The following TENM2 variants were observed in gnomAD, a reference collection of about 807,000 sequenced individuals.
TENM2 encodes teneurin-2.
In TENM2, 52 loss-of-function variants were observed where a neutral mutation model predicts 245.2. The ratio of observed to expected loss-of-function variants is 0.21; its 90% CI spans 0.17 to 0.27. The LOEUF is 0.27. Ranked by LOEUF, TENM2 falls within the 10% of genes least tolerant of loss-of-function variation. The pLI is 1.00. For missense variants in TENM2, 3,046 were observed against 3,666.8 expected (o/e 0.83, Z 4.37); for synonymous variants, 1,363 against 1,438.9 (o/e 0.95, Z 1.19).
chr5:168,024,272 A>G (rs1786415671), intron 5 of TENM2, among the ~76,000 whole-genome samples: 1 of 152,118 alleles, frequency 6.6e-6, no homozygotes, highest in Non-Finnish European at 1.5e-5. Context: ...ACAGTACCAT[A>G]CCTAAAGAGG....
At chr5:167,209,420 T>C in the TENM2 span, among the ~76,000 whole-genome samples, 1 of 151,972 alleles carries the variant, frequency 6.6e-6, no homozygotes, top group East Asian at 1.9e-4. Context: ...CCTGCCACCA[T>C]GCTCAGCTAA....
the TENM2 span, among the ~76,000 whole-genome samples, chr5:167,087,872 C>T: frequency 6.6e-6 from 1 of 151,914 alleles, no homozygotes; most frequent in Non-Finnish European, 1.5e-5. Context: ...TCACTGCAAC[C>T]TCTGCCTCGT....
chr5:167,531,841 G>C (rs1164663139), intron 2 of TENM2, among the ~76,000 whole-genome samples: 1 of 152,120 alleles, frequency 6.6e-6, no homozygotes, highest in Non-Finnish European at 1.5e-5. Flanking sequence ...CCTGCAATGG[G>C]CGTTAGGACT....
chr5:167,388,396 CTCTT>C (rs1198674898), intron 2 of TENM2, among the ~76,000 whole-genome samples: 5 of 152,026 alleles, frequency 3.3e-5, no homozygotes, highest in South Asian at 2.1e-4. Flanking sequence ...TGGATTTTCT[CTCTT>C]TCTTTAGTTA....
chr5:167,597,536 C>T (rs1268435289), intron 2 of TENM2, among the ~76,000 whole-genome samples: 1 of 152,132 alleles, frequency 6.6e-6, no homozygotes, highest in Non-Finnish European at 1.5e-5. Context: ...TCCTTGGATA[C>T]TGGGAGTGGT....
At chr5:167,135,705 C>T in the TENM2 span, among the ~76,000 whole-genome samples, 11 of 152,024 alleles carry the variant, frequency 7.2e-5, no homozygotes, top group Admixed American at 1.3e-4. Flanking sequence ...TGAACCCAGG[C>T]GGAGGTTGCA....
the TENM2 span, among the ~76,000 whole-genome samples, chr5:167,175,643 C>T: frequency 6.6e-6 from 1 of 152,034 alleles, no homozygotes; most frequent in Non-Finnish European, 1.5e-5. Flanking sequence ...GATAAAAGGC[C>T]CTCATTTCCT....
intron 9 of TENM2, among the ~76,000 whole-genome samples, chr5:168,104,820 G>A (rs1452487019): frequency 6.6e-6 from 1 of 152,170 alleles, no homozygotes; most frequent in African/African-American, 2.4e-5. Flanking sequence ...GAAATAACAT[G>A]GAATGGATCT....
chr5:167,923,852 C>T (rs535463125), intron 3 of TENM2, among the ~76,000 whole-genome samples: 45 of 152,150 alleles, frequency 3.0e-4, no homozygotes, highest in African/African-American at 8.2e-4. Context: ...CTCTCTTTCC[C>T]GGCCATCACC....
chr5:167,528,521 G>GCTTA (rs1487165235), intron 2 of TENM2, among the ~76,000 whole-genome samples: 3 of 152,026 alleles, frequency 2.0e-5, no homozygotes, highest in Non-Finnish European at 2.9e-5. Context: ...TTGTTGGGAG[G>GCTTA]CTTAAATAAA....
At chr5:167,545,088 T>C (rs1206131789) in intron 2 of TENM2, among the ~76,000 whole-genome samples, 1 of 152,180 alleles carries the variant, frequency 6.6e-6, no homozygotes, top group African/African-American at 2.4e-5. Context: ...ACAGCTGTTA[T>C]GCTATGTAAA....
chr5:168,165,684 G>GTCCAAAGGC (rs1336001762), intron 13 of TENM2, among the ~76,000 whole-genome samples: 5 of 117,720 alleles, frequency 4.2e-5, no homozygotes, highest in African/African-American at 1.6e-4. Context: ...AGACAAAGCA[G>GTCCAAAGGC]TCCAAAGGCA....
chr5:167,444,014 A>G (rs942764994), intron 2 of TENM2, among the ~76,000 whole-genome samples: 2 of 152,132 alleles, frequency 1.3e-5, no homozygotes, highest in Non-Finnish European at 2.9e-5. Context: ...TAGCATATTC[A>G]TTGGCACATA....
chr5:167,819,814 T>G (rs1767366466), intron 2 of TENM2, among the ~76,000 whole-genome samples: 1 of 152,184 alleles, frequency 6.6e-6, no homozygotes, highest in African/African-American at 2.4e-5. Context: ...CTTGGCTAAA[T>G]CTGTGGTCTT....
intron 2 of TENM2, among the ~76,000 whole-genome samples, chr5:167,425,003 G>T (rs1049297893): frequency 1.3e-5 from 2 of 152,164 alleles, no homozygotes; most frequent in Non-Finnish European, 2.9e-5. Flanking sequence ...ATTTGCCAAT[G>T]AAATGCAGTT....
At chr5:167,861,106 C>G (rs1771760987) in intron 2 of TENM2, among the ~76,000 whole-genome samples, 1 of 151,766 alleles carries the variant, frequency 6.6e-6, no homozygotes, top group Non-Finnish European at 1.5e-5. Flanking sequence ...TCATTTTCAC[C>G]CCTAGCAATC....
At chr5:167,404,946 A>C (rs1399380233) in intron 2 of TENM2, among the ~76,000 whole-genome samples, 1 of 152,052 alleles carries the variant, frequency 6.6e-6, no homozygotes, top group Non-Finnish European at 1.5e-5. Context: ...ATTCCCCTCC[A>C]CAACTGCCAG....
chr5:167,195,369 A>G, the TENM2 span, among the ~76,000 whole-genome samples: 2 of 152,056 alleles, frequency 1.3e-5, no homozygotes, highest in African/African-American at 4.8e-5. Flanking sequence ...GAAAAGTTGG[A>G]AGCTTTTATT....
At chr5:167,869,030 C>G (rs181421749) in intron 2 of TENM2, among the ~76,000 whole-genome samples, 1 of 152,164 alleles carries the variant, frequency 6.6e-6, no homozygotes, top group Admixed American at 6.5e-5. Flanking sequence ...GAGAGGTGAA[C>G]TGAGTTGCTC....
Sources: allele counts gnomAD v4.1 joint callset (sites outside exome capture counted in the v4.1 genomes callset), GRCh38; gene constraint gnomAD v4.1.1; transcripts MANE v1.5; gene names NCBI Gene and HGNC (gene_info 2026-07-23, HGNC 2026-07-21).